RBBP6: variants seen among roughly 807,000 people sequenced by gnomAD.
RBBP6 encodes the protein E3 ubiquitin-protein ligase RBBP6.
In RBBP6, 25 loss-of-function variants were observed where a neutral mutation model predicts 167.7. The observed-to-expected ratio is 0.15, with a 90% confidence interval of 0.11 to 0.21. RBBP6 has a LOEUF of 0.21. RBBP6 is among the 10% of genes least tolerant of loss of function. RBBP6 has a pLI of 1.00. For missense variants in RBBP6, 1,868 were observed against 2,134.2 expected (o/e 0.88, Z 2.46); for synonymous variants, 789 against 735.8 (o/e 1.07, Z -1.17).
Position 24,539,645 on chromosome 16 carries a change from C to A in RBBP6, c.-982C>A, listed in dbSNP as rs1047469535. The A allele has an allele frequency of 6.6e-6, 1 of 152,184 alleles. No individual in the cohort carries two copies. The highest frequency in any genetic ancestry group is 1.5e-5 in the Non-Finnish European group (1 of 68,064). The allele number at this position is 152,184 out of a possible 1,614,324, so 9.4% of individuals were successfully genotyped here. Reference sequence around the variant, plus strand: ...AGGTGTCGCCGCCGCTCGGTGAGAGCCCCCGAGCGGCAGGGGGCCAACACA... The same window carrying A: ...AGGTGTCGCCGCCGCTCGGTGAGAGACCCCGAGCGGCAGGGGGCCAACACA... On this transcript the variant is annotated 5_prime_UTR_variant, in exon 1 of 18. Transcript: ENST00000319715.
chr16:24,559,408 C>T (rs959545614), intron 7 of RBBP6, 97 bp from the exon 8 acceptor site: 99 of 975,760 alleles, frequency 1.0e-4, no homozygotes, highest in Middle Eastern at 2.6e-4. Flanking sequence ...TTTGGCATTG[C>T]GCTGAATTAT....
rs1195509887 is a variant in RBBP6, at chr16:24,559,791, G to A, written c.847+114G>A. ...ATAAAATAAATAATGTTGATGACAA[G>A]TGTTGATCAATGAGCATTAAGTAGT... is the stretch of plus-strand genomic sequence containing the variant. On this transcript the variant is annotated intron_variant, in intron 8 of 17. Coordinates refer to ENST00000319715, the MANE Select transcript of RBBP6 (RefSeq NM_006910.5). 25 of 981,402 alleles carry A rather than the reference G, an allele frequency of 2.5e-5. 1 individual carries two copies. In the East Asian group the frequency reaches 7.5e-4, roughly 30 times the overall value. 60.8% of individuals were successfully genotyped at this position (981,402 alleles called of 1,614,324 possible). A position where few individuals can be genotyped will look rare whatever the true frequency, so the allele number is the denominator to read the frequency against.
intron 1 of RBBP6, among the ~76,000 whole-genome samples, chr16:24,544,514 A>C (rs777753307): frequency 6.6e-6 from 1 of 152,230 alleles, no homozygotes; most frequent in Non-Finnish European, 1.5e-5. Flanking sequence ...ATATGCCTAC[A>C]TATGTGGTAA....
At chr16:24,570,542 A>C in intron 17 of RBBP6, 43 bp downstream of exon 17, 2 of 1,469,506 alleles carry the variant, frequency 1.4e-6, no homozygotes, top group East Asian at 4.6e-5. Flanking sequence ...TGTTGGGAGA[A>C]GGATTTTCTT....
At chr16:24,543,097 T>G (rs1045844079) in intron 1 of RBBP6, among the ~76,000 whole-genome samples, 3 of 152,170 alleles carry the variant, frequency 2.0e-5, no homozygotes, top group African/African-American at 7.2e-5. Flanking sequence ...ACAAGGCAGT[T>G]GAGTAGAATG....
At chr16:24,555,759 C>G in intron 5 of RBBP6, 56 bp downstream of exon 5, 1 of 1,584,270 alleles carries the variant, frequency 6.3e-7, no homozygotes, top group South Asian at 1.1e-5. Context: ...TTTTCCCCCC[C>G]AATCAAAAGC....
intron 8 of RBBP6, among the ~76,000 whole-genome samples, chr16:24,560,054 A>G (rs1596507473): frequency 6.6e-6 from 1 of 151,444 alleles, no homozygotes; most frequent in Non-Finnish European, 1.5e-5. Context: ...TGGATTGTGA[A>G]TAGCTTATCC....
chr16:24,572,085 A>T lies in RBBP6; in HGVS notation c.5019A>T (p.Ala1673=). The T allele has an allele frequency of 6.2e-7, 1 of 1,613,818 alleles. No individual in the cohort carries two copies. The highest frequency in any genetic ancestry group is 1.3e-5 in the African/African-American group (1 of 74,914). ...KDLKDKIVEK[A]KESLDTAAVV... ...TGAAAGATAAAATAGTGGAGAAAGC[A>T]AAAGAGAGCCTGGACACAGCAGCAG... The change falls in exon 18 of 18, where the codon GCA becomes GCT. Residue 1673 remains alanine (A), a synonymous_variant. Transcript: ENST00000319715.
intron 1 of RBBP6, among the ~76,000 whole-genome samples, chr16:24,543,789 T>C (rs970608565): frequency 2.0e-5 from 3 of 152,110 alleles, no homozygotes; most frequent in Non-Finnish European, 4.4e-5. Flanking sequence ...GAAATTAAAG[T>C]GTGAGAGGTT....
At chr16:24,546,014 T>C in intron 1 of RBBP6, 149 bp from the exon 2 acceptor site, 1 of 1,259,204 alleles carries the variant, frequency 7.9e-7, no homozygotes, top group Non-Finnish European at 1.0e-6. Context: ...GGATGTTTGT[T>C]CTGACAATAT....
chr16:24,566,830 T>G (rs991535417), intron 14 of RBBP6, among the ~76,000 whole-genome samples: 3 of 152,188 alleles, frequency 2.0e-5, no homozygotes, highest in African/African-American at 7.2e-5. Context: ...AAAGACAGTT[T>G]AGGAAGTAAC....
chr16:24,566,012 C>T (rs937810149), intron 14 of RBBP6, among the ~76,000 whole-genome samples: 2 of 152,156 alleles, frequency 1.3e-5, no homozygotes, highest in Non-Finnish European at 2.9e-5. Context: ...CTGCAGTGAG[C>T]TATAACCACA....
intron 3 of RBBP6, among the ~76,000 whole-genome samples, chr16:24,552,432 T>C (rs1393406631): frequency 6.6e-6 from 1 of 151,828 alleles, no homozygotes; most frequent in African/African-American, 2.4e-5. Context: ...TGAAGAGTTC[T>C]GACCTTACGA....
chr16:24,556,502 A>G (rs1233267259), intron 7 of RBBP6, 55 bp downstream of exon 7: 2 of 1,517,916 alleles, frequency 1.3e-6, no homozygotes, highest in East Asian at 2.3e-5. Context: ...CCCAGGGTAT[A>G]GTGTTTTAAT....
In RBBP6 at chr16:24,572,253, GAAGAAA is replaced by G. The variant is rs1567282814; in HGVS notation, c.5193_5198del (p.Lys1732_Lys1733del). On this transcript the variant is annotated inframe_deletion, in exon 18 of 18. Transcript: ENST00000319715. ...CAGAAAGTCAGGACAGCAAGAAGAA[GAAGAAA>G]AAGAAGGAAAAGAAAAAACACAAGA... 4.3e-6 allele frequency: 7 copies of G among 1,613,000 alleles called. No individual in the cohort carries two copies. In the Admixed American group the frequency reaches 8.4e-5, roughly 19 times the overall value.
In RBBP6 at chr16:24,570,375, A is replaced by G; in HGVS notation, c.3685A>G (p.Lys1229Glu). 1 of 1,613,218 alleles carries G rather than the reference A, an allele frequency of 6.2e-7. No homozygotes were observed. Among genetic ancestry groups the G allele is most frequent in the Non-Finnish European group, 8.5e-7 (1 of 1,179,832 alleles). ...IGSTENISNTKEPSEKLESTS... is the reference protein window; with the variant it reads ...IGSTENISNTEEPSEKLESTS... Reference sequence around the variant, plus strand: ...AAGTACAGAAAATATATCAAACACAAAAGAACCCTCTGAAAAATTGGAGTC... The same window carrying G: ...AAGTACAGAAAATATATCAAACACAGAAGAACCCTCTGAAAAATTGGAGTC... The change falls in exon 17 of 18, where the codon AAA (lysine) becomes GAA (glutamate). Residue 1229 changes from lysine (K) to glutamate (E), a missense_variant. By Grantham distance (56) the Lys-to-Glu change is moderately conservative. This residue lies in a region of RBBP6 where 673 missense variants were observed against 691.5 expected (regional missense o/e 0.97). Coordinates refer to ENST00000319715, the MANE Select transcript of RBBP6 (RefSeq NM_006910.5).
chr16:24,546,412 T>G, intron 2 of RBBP6, 150 bp downstream of exon 2: 1 of 1,073,108 alleles, frequency 9.3e-7, no homozygotes, highest in Non-Finnish European at 1.2e-6. Flanking sequence ...GGTTTCTTTG[T>G]TCGTTTGTTT....
At chr16:24,562,246 T>A in intron 10 of RBBP6, 85 bp downstream of exon 10, 7 of 1,249,732 alleles carry the variant, frequency 5.6e-6, no homozygotes, top group Non-Finnish European at 7.9e-6. Flanking sequence ...TTTAACAGCT[T>A]TCTTAGTGGA....
chr16:24,566,747 A>C (rs1899203932), intron 14 of RBBP6, among the ~76,000 whole-genome samples: 1 of 152,230 alleles, frequency 6.6e-6, no homozygotes, highest in Non-Finnish European at 1.5e-5. Context: ...GTCTCAAAAA[A>C]TAAAAAATAA....
Sources: gnomAD v4.1 joint callset for allele counts (sites outside exome capture counted in the v4.1 genomes callset) on GRCh38, gnomAD v4.1.1 for gene constraint, gnomAD v4.1.1 regional missense constraint, MANE v1.5 for transcripts, NCBI Gene and HGNC (gene_info 2026-07-23, HGNC 2026-07-21) for gene names.